GRID2: variants seen among roughly 807,000 people sequenced by gnomAD.
The protein encoded by GRID2 is glutamate receptor ionotropic, delta-2.
GRID2 carries 33 observed loss-of-function variants against 114.8 expected under a neutral mutation model. The ratio of observed to expected loss-of-function variants is 0.29; its 90% confidence interval spans 0.22 to 0.38. The LOEUF is 0.38. Ranked by LOEUF, GRID2 falls within the 10% of genes least tolerant of loss-of-function variation. GRID2 has a pLI of 1.00. For missense variants in GRID2, 1,184 were observed against 1,257.7 expected (o/e 0.94, Z 0.89); for synonymous variants, 505 against 449.9 (o/e 1.12, Z -1.55).
intron 1 of GRID2, among the ~76,000 whole-genome samples, chr4:92,582,510 T>C (rs1385026788): frequency 6.6e-6 from 1 of 151,934 alleles, no homozygotes; most frequent in East Asian, 1.9e-4. Context: ...ACTTCTGATA[T>C]AGTATAAATT....
intron 1 of GRID2, among the ~76,000 whole-genome samples, chr4:93,796,684 C>T (rs555129931): frequency 3.3e-5 from 5 of 152,222 alleles, no homozygotes; most frequent in East Asian, 3.9e-4. Context: ...ACTGGGATTA[C>T]GGGCATGTGC....
chr4:93,554,896 A>T (rs1734153302), intron 13 of GRID2, among the ~76,000 whole-genome samples: 1 of 152,108 alleles, frequency 6.6e-6, no homozygotes, highest in Admixed American at 6.5e-5. Flanking sequence ...CTGCATTTCC[A>T]ACTGAGGTAC....
At chr4:93,683,765 AG>A (rs1279873127) in intron 14 of GRID2, among the ~76,000 whole-genome samples, 1 of 151,918 alleles carries the variant, frequency 6.6e-6, no homozygotes, top group Non-Finnish European at 1.5e-5. Flanking sequence ...TTTATTTAAA[AG>A]TATAAGCTAT....
chr4:93,651,283 G>A (rs1722557628), intron 14 of GRID2, among the ~76,000 whole-genome samples: 1 of 152,162 alleles, frequency 6.6e-6, no homozygotes, highest in Admixed American at 6.5e-5. Flanking sequence ...ATGACCTTGT[G>A]TACAGGACCA....
At chr4:92,579,869 A>G (rs945413111) in intron 1 of GRID2, among the ~76,000 whole-genome samples, 10 of 115,048 alleles carry the variant, frequency 8.7e-5, no homozygotes, top group African/African-American at 2.9e-4. Flanking sequence ...AATGTCAGAG[A>G]CTGTGACTAT....
At chr4:92,913,436 A>G (rs1748536320) in intron 2 of GRID2, among the ~76,000 whole-genome samples, 2 of 152,008 alleles carry the variant, frequency 1.3e-5, no homozygotes, top group East Asian at 1.9e-4. Flanking sequence ...CCATCTATGC[A>G]TTCACAAGGC....
intron 2 of GRID2, among the ~76,000 whole-genome samples, chr4:93,020,530 A>C (rs1723180127): frequency 6.6e-6 from 1 of 152,196 alleles, no homozygotes; most frequent in Non-Finnish European, 1.5e-5. Context: ...ATAGTTTTGC[A>C]TAACTTTGCT....
At chr4:92,417,250 A>G (rs1731660269) in intron 1 of GRID2, among the ~76,000 whole-genome samples, 4 of 152,208 alleles carry the variant, frequency 2.6e-5, no homozygotes, top group Admixed American at 2.6e-4. Flanking sequence ...TTTGACTTTT[A>G]AAGTCCTAGG....
At chr4:93,232,941 T>C (rs903410549) in intron 7 of GRID2, among the ~76,000 whole-genome samples, 3 of 152,100 alleles carry the variant, frequency 2.0e-5, no homozygotes, top group East Asian at 1.9e-4. Context: ...ATATCAAAAA[T>C]AATTACAAGC....
intron 14 of GRID2, among the ~76,000 whole-genome samples, chr4:93,739,675 T>C (rs1190910728): frequency 2.6e-5 from 4 of 152,282 alleles, no homozygotes; most frequent in Admixed American, 2.6e-4. Flanking sequence ...CCCACCCGGC[T>C]AAGGTGAGAG....
intron 7 of GRID2, among the ~76,000 whole-genome samples, chr4:93,228,550 T>C (rs1745764930): frequency 2.0e-5 from 3 of 152,184 alleles, no homozygotes; most frequent in African/African-American, 7.2e-5. Context: ...TTGGCTGTTA[T>C]CAACAAAAGT....
chr4:92,663,131 T>A (rs1175138705), intron 2 of GRID2, among the ~76,000 whole-genome samples: 1 of 151,062 alleles, frequency 6.6e-6, no homozygotes, highest in Admixed American at 6.6e-5. Flanking sequence ...CTGCTCAGCC[T>A]TGATACAAGT....
At chr4:93,172,786 A>G (rs113140494) in intron 4 of GRID2, among the ~76,000 whole-genome samples, 35 of 152,312 alleles carry the variant, frequency 2.3e-4, no homozygotes, top group African/African-American at 7.9e-4. Flanking sequence ...AGAAACTTTA[A>G]TTGCACCAAG....
intron 10 of GRID2, among the ~76,000 whole-genome samples, chr4:93,454,954 T>C (rs1216014021): frequency 6.6e-6 from 1 of 152,148 alleles, no homozygotes; most frequent in African/African-American, 2.4e-5. Flanking sequence ...TTCTGTTACA[T>C]TTTAAATAAA....
chr4:93,618,397 G>T (rs1741907111), intron 13 of GRID2, among the ~76,000 whole-genome samples: 1 of 152,198 alleles, frequency 6.6e-6, no homozygotes, highest in African/African-American at 2.4e-5. Flanking sequence ...TTCAGGTCTA[G>T]TTGTTGAAGT....
intron 8 of GRID2, among the ~76,000 whole-genome samples, chr4:93,267,420 C>G (rs932907400): frequency 1.3e-5 from 2 of 152,090 alleles, no homozygotes; most frequent in Non-Finnish European, 2.9e-5. Context: ...GTGGAGCAAC[C>G]ACTGCTGTGT....
chr4:92,880,923 A>T lies in GRID2; in HGVS notation c.245-204072A>T, dbSNP rs756996679. On this transcript the variant is annotated intron_variant, in intron 2 of 15. Coordinates refer to ENST00000282020, the MANE Select transcript of GRID2 (RefSeq NM_001510.4). Reference sequence around the variant, plus strand: ...TTGTTTTGTTTTGTTTTAGCTTGAGACTGAGTCTCACTCTGTCGCCCCAGG... The same window carrying T: ...TTGTTTTGTTTTGTTTTAGCTTGAGTCTGAGTCTCACTCTGTCGCCCCAGG... 3.8e-4 allele frequency among the ~76,000 whole-genome samples: 57 copies of T among 150,160 alleles called. 1 individual carries two copies. The highest frequency in any genetic ancestry group is 7.7e-4 in the Non-Finnish European group (52 of 67,468).
At chr4:92,400,736 G>A (rs1342403767) in intron 1 of GRID2, among the ~76,000 whole-genome samples, 1 of 151,860 alleles carries the variant, frequency 6.6e-6, no homozygotes, top group African/African-American at 2.4e-5. Context: ...AACGCATGAA[G>A]GTTCTTATTT....
chr4:93,204,561 G>A (rs975126469), intron 4 of GRID2, among the ~76,000 whole-genome samples: 1 of 152,166 alleles, frequency 6.6e-6, no homozygotes, highest in African/African-American at 2.4e-5. Flanking sequence ...GGATAGTACA[G>A]TGAGTAGAAT....
Sources: allele counts gnomAD v4.1 joint callset (sites outside exome capture counted in the v4.1 genomes callset), GRCh38; gene constraint gnomAD v4.1.1; transcripts MANE v1.5; gene names NCBI Gene and HGNC (gene_info 2026-07-23, HGNC 2026-07-21).